USH2A: variants seen among roughly 807,000 people sequenced by gnomAD.
The protein encoded by USH2A is Usher syndrome 2A (autosomal recessive, mild).
A neutral mutation model predicts 538.9 loss-of-function variants in USH2A; 443 were observed. The observed-to-expected ratio is 0.82, with a 90% CI of 0.76 to 0.89. USH2A has a LOEUF of 0.89. Among genes scored for constraint, USH2A ranks in the 40% least tolerant of loss-of-function variants. USH2A has a pLI of 0.00. For missense variants in USH2A, 6,633 were observed against 6,324.8 expected (o/e 1.05, Z -1.65); for synonymous variants, 2,413 against 2,273.5 (o/e 1.06, Z -1.75).
chr1:216,019,226 T>A (rs577530660), intron 32 of USH2A, among the ~76,000 whole-genome samples: 8 of 152,120 alleles, frequency 5.3e-5, no homozygotes, highest in Non-Finnish European at 1.0e-4. Flanking sequence ...ACATTCTGGA[T>A]GGGAAGAGTT....
At chr1:216,098,609 T>C (rs1350784607) in intron 21 of USH2A, among the ~76,000 whole-genome samples, 3 of 152,120 alleles carry the variant, frequency 2.0e-5, no homozygotes. Flanking sequence ...AGATATCATT[T>C]GGTGAACATT....
rs1665137797 is a variant in USH2A at position 215,888,853 on chromosome 1, TGAAACTTA to T, written c.7788_7795del (p.Tyr2596Ter). On this transcript the variant is annotated stop_gained and frameshift_variant, in exon 41 of 72. Coordinates refer to ENST00000307340, the MANE Select transcript of USH2A (RefSeq NM_206933.4). LOFTEE classifies it high-confidence loss of function. ...TCCTTTTGAAGTGCAGGCTTCTACCTGAAACTTATAGGCAGTGTATGGGTGTAAATGCA... is the reference window on the plus strand; with the variant it reads ...TCCTTTTGAAGTGCAGGCTTCTACCTTAGGCAGTGTATGGGTGTAAATGCA... The T allele has an allele frequency of 6.2e-7, 1 of 1,614,034 alleles. No homozygotes were observed. The highest frequency in any genetic ancestry group is 1.3e-5 in the African/African-American group (1 of 74,906).
chr1:215,763,155 C>T (rs1661029745), intron 56 of USH2A, among the ~76,000 whole-genome samples: 1 of 152,156 alleles, frequency 6.6e-6, no homozygotes, highest in Non-Finnish European at 1.5e-5. Flanking sequence ...GACTTTGTGT[C>T]ATTTTCTGTG....
At chr1:216,024,797 T>C (rs1239065417) in intron 32 of USH2A, among the ~76,000 whole-genome samples, 1 of 151,998 alleles carries the variant, frequency 6.6e-6, no homozygotes, top group Non-Finnish European at 1.5e-5. Context: ...TTATACACTG[T>C]TCTGGGTTAT....
At chr1:215,669,304 G>C (rs1232821395) in intron 64 of USH2A, among the ~76,000 whole-genome samples, 1 of 152,162 alleles carries the variant, frequency 6.6e-6, no homozygotes, top group African/African-American at 2.4e-5. Flanking sequence ...AAGGTAATGA[G>C]AAAAGAACAA....
intron 35 of USH2A, among the ~76,000 whole-genome samples, chr1:215,987,548 T>C (rs1667900503): frequency 6.6e-6 from 1 of 152,106 alleles, no homozygotes; most frequent in Admixed American, 6.6e-5. Context: ...TTTTTGCAGG[T>C]ATGTGAAGCA....
intron 12 of USH2A, among the ~76,000 whole-genome samples, chr1:216,249,641 C>T (rs1157047966): frequency 6.6e-6 from 1 of 152,076 alleles, no homozygotes; most frequent in Admixed American, 6.6e-5. Flanking sequence ...AATTATGGTA[C>T]AGATTTTCAT....
intron 64 of USH2A, 101 bp downstream of exon 64, chr1:215,670,871 C>T (rs1317144026): frequency 8.2e-7 from 1 of 1,222,808 alleles, no homozygotes; most frequent in East Asian, 2.3e-5. Flanking sequence ...TTAAGTCCTA[C>T]ATTTCTTTAA....
chr1:216,085,001 C>G (rs1041600880), intron 24 of USH2A, 124 bp from the exon 25 acceptor site: 1 of 876,058 alleles, frequency 1.1e-6, no homozygotes, highest in Non-Finnish European at 1.8e-6. Flanking sequence ...TACTGCAAGC[C>G]TCTTAATGAT....
chr1:215,795,788 G>A (rs12128983), intron 50 of USH2A, among the ~76,000 whole-genome samples: 2,875 of 152,190 alleles, frequency 0.019, 31 homozygotes, highest in African/African-American at 0.035. Flanking sequence ...TCTAGTAGAC[G>A]TTACTATGAC....
At chr1:215,956,436 A>G (rs1175981607) in intron 37 of USH2A, among the ~76,000 whole-genome samples, 1 of 152,180 alleles carries the variant, frequency 6.6e-6, no homozygotes, top group East Asian at 1.9e-4. Context: ...TAAATTATGC[A>G]AAGCCTTCCA....
At chr1:216,090,539 G>T (rs944566137) in intron 22 of USH2A, among the ~76,000 whole-genome samples, 6 of 151,630 alleles carry the variant, frequency 4.0e-5, no homozygotes, top group African/African-American at 1.5e-4. Context: ...CTAGAAACAT[G>T]ACCATCTGGC....
chr1:216,105,565 A>AT (rs898912250), intron 21 of USH2A, among the ~76,000 whole-genome samples: 3 of 151,944 alleles, frequency 2.0e-5, no homozygotes, highest in African/African-American at 7.2e-5. Flanking sequence ...TCAGTTTGCC[A>AT]TTTTTTTAAT....
intron 31 of USH2A, among the ~76,000 whole-genome samples, chr1:216,047,071 T>G (rs1272022154): frequency 6.6e-6 from 1 of 152,210 alleles, no homozygotes; most frequent in Non-Finnish European, 1.5e-5. Context: ...TGCATATTTT[T>G]TTAAAAAGAG....
intron 14 of USH2A, 74 bp downstream of exon 14, chr1:216,231,879 T>G: frequency 1.3e-6 from 2 of 1,581,200 alleles, no homozygotes; most frequent in Non-Finnish European, 1.7e-6. Flanking sequence ...CAGAAGTTAT[T>G]GCTTTGCAAC....
chr1:216,034,379 A>G (rs1669196131), intron 32 of USH2A, among the ~76,000 whole-genome samples: 1 of 152,290 alleles, frequency 6.6e-6, no homozygotes, highest in African/African-American at 2.4e-5. Flanking sequence ...AACAGTTTCA[A>G]CTGAGTGGCA....
intron 44 of USH2A, among the ~76,000 whole-genome samples, chr1:215,855,656 C>A (rs1276786324): frequency 6.6e-6 from 1 of 152,032 alleles, no homozygotes; most frequent in Non-Finnish European, 1.5e-5. Flanking sequence ...CAAAATACCA[C>A]CATCATTCTT....
At chr1:216,102,083 T>A (rs891001917) in intron 21 of USH2A, among the ~76,000 whole-genome samples, 2 of 152,090 alleles carry the variant, frequency 1.3e-5, no homozygotes, top group Admixed American at 1.3e-4. Flanking sequence ...ATTAACAACT[T>A]TTGGCTATCA....
intron 43 of USH2A, among the ~76,000 whole-genome samples, chr1:215,872,744 A>G (rs1664656788): frequency 6.6e-6 from 1 of 152,050 alleles, no homozygotes; most frequent in Admixed American, 6.6e-5. Context: ...CTTGGATCAT[A>G]GGGGTGAATC....
Sources: allele counts gnomAD v4.1 joint callset (sites outside exome capture counted in the v4.1 genomes callset), GRCh38; gene constraint gnomAD v4.1.1; transcripts MANE v1.5; gene names NCBI Gene and HGNC (gene_info 2026-07-23, HGNC 2026-07-21).